SLC5A9: variants seen among roughly 807,000 people sequenced by gnomAD.
SLC5A9 encodes solute carrier family 5 member 9.
In SLC5A9, 59 loss-of-function variants were observed where a neutral mutation model predicts 70.9. The observed-to-expected ratio is 0.83, with a 90% CI of 0.68 to 1.03. The LOEUF is 1.03. SLC5A9 is among the 50% of genes least tolerant of loss of function. The probability of loss-of-function intolerance (pLI) is 0.00; values close to 1 mark genes in which losing one functional copy is unlikely to be tolerated. For synonymous variants in SLC5A9, 340 were observed against 346.5 expected (o/e 0.98, Z 0.21); for missense variants, 832 against 881.1 (o/e 0.94, Z 0.71).
At position 48,232,114 on chromosome 1, in the gene SLC5A9, T is replaced by G. The variant is rs777976388; in HGVS notation, c.860T>G (p.Leu287Arg). ...CCTTGGCCAGGTCTCATTTTCGGGC[T>G]CACAGTGCTGGCCACCTGGTGTTGG... Reference protein sequence around the residue: ...DIPWPGLIFGLTVLATWCWCT... With the variant: ...DIPWPGLIFGRTVLATWCWCT... Residue 287 changes from leucine to arginine, a missense_variant, in exon 7 of 14, where the codon CTC becomes CGC. Transcript: ENST00000438567. 20 of 1,613,974 alleles carry G rather than the reference T, an allele frequency of 1.2e-5. No individual in the cohort carries two copies. The highest frequency in any genetic ancestry group is 1.7e-5 in the Non-Finnish European group (20 of 1,179,996).
At chr1:48,236,128 G>A (rs570944353) in intron 10 of SLC5A9, among the ~76,000 whole-genome samples, 4 of 152,272 alleles carry the variant, frequency 2.6e-5, no homozygotes, top group Admixed American at 6.5e-5. Flanking sequence ...CAGGGTTGTC[G>A]AGAGATGAAA....
rs1399961281 is a variant in SLC5A9, at chr1:48,222,814, A to G, written c.78A>G (p.Ala26=). 1 of 1,614,132 alleles carries G rather than the reference A, an allele frequency of 6.2e-7. No individual in the cohort carries two copies. Among genetic ancestry groups the G allele is most frequent in the Non-Finnish European group, 8.5e-7 (1 of 1,180,008 alleles). ...GVRTETAPHI[A]LDSRVGLHAY... ...GGACTGAGACAGCTCCACACATAGC[A>G]CTGGACTCCAGAGTTGGTCTGCACG... Residue 26 remains alanine (A), a synonymous_variant, in exon 1 of 14, where the codon GCA becomes GCG. Coordinates refer to ENST00000438567, the MANE Select transcript of SLC5A9 (RefSeq NM_001011547.3).
chr1:48,229,057 A>T, intron 3 of SLC5A9, 103 bp downstream of exon 3: 1 of 1,613,978 alleles, frequency 6.2e-7, no homozygotes, highest in Non-Finnish European at 8.5e-7. Flanking sequence ...GGGAGGCTAC[A>T]TGGTGAATCG....
chr1:48,226,557 C>T (rs533419604), intron 2 of SLC5A9, among the ~76,000 whole-genome samples: 10 of 152,334 alleles, frequency 6.6e-5, no homozygotes, highest in Admixed American at 4.6e-4. Flanking sequence ...AGAACCAGCT[C>T]TGGGTAGGGA....
intron 13 of SLC5A9, 152 bp downstream of exon 13, chr1:48,242,768 T>C: frequency 1.3e-6 from 1 of 742,276 alleles, no homozygotes; most frequent in Non-Finnish European, 2.0e-6. Context: ...ATTTGAAAAA[T>C]AAGACAAATG....
At chr1:48,230,117 C>T (rs1034847419) in intron 4 of SLC5A9, among the ~76,000 whole-genome samples, 4 of 152,188 alleles carry the variant, frequency 2.6e-5, no homozygotes, top group African/African-American at 7.2e-5. Context: ...TGCTAATAAA[C>T]CCAAGTATGT....
rs750018469 is a variant in SLC5A9, at chr1:48,237,707, A to C, written c.1321A>C (p.Ser441Arg). The C allele has an allele frequency of 1.9e-6, 3 of 1,614,044 alleles. No individual in the cohort carries two copies. Among genetic ancestry groups the C allele is most frequent in the Non-Finnish European group, 2.5e-6 (3 of 1,180,022 alleles). ...GTTTGTGGTGTTCCTGGTTGTCATCAGCATCCTCTGGATCCCCATCATCCA... is the reference window on the plus strand; with the variant it reads ...GTTTGTGGTGTTCCTGGTTGTCATCCGCATCCTCTGGATCCCCATCATCCA... ...RVFVVFLVVI[S>R]ILWIPIIQSS... The change falls in exon 11 of 14, where the codon AGC becomes CGC. Residue 441 changes from serine to arginine, a missense_variant. Coordinates refer to ENST00000438567, the MANE Select transcript of SLC5A9 (RefSeq NM_001011547.3).
Position 48,231,625 on chromosome 1 carries a change from G to C in SLC5A9, c.691G>C (p.Gly231Arg). 1.2e-6 allele frequency: 2 copies of C among 1,614,098 alleles called. No individual in the cohort carries two copies. Among genetic ancestry groups the C allele is most frequent in the South Asian group, 1.1e-5 (1 of 91,082 alleles). ...GGGAGCCCTGGTCCTCATGTTTCTG[G>C]GTAAGGAAGAGACCTAAATATACCC... The part of the protein sequence containing the change: ...VGGALVLMFL[G>R]FQDVGWYPGL... Residue 231 changes from glycine to arginine, a missense_variant and splice_region_variant, in exon 6 of 14, where the codon GGC (glycine) becomes CGC (arginine). Gly to Arg is a moderately radical substitution (Grantham distance 125, BLOSUM62 -2). Transcript: ENST00000438567.
chr1:48,238,261 C>T (rs950801770), intron 11 of SLC5A9, among the ~76,000 whole-genome samples: 12 of 152,138 alleles, frequency 7.9e-5, no homozygotes, highest in Admixed American at 5.9e-4. Flanking sequence ...ATGTTCCAGA[C>T]ACAAGGAACA....
In SLC5A9 at chr1:48,232,488, G is replaced by T; in HGVS notation, c.1019G>T (p.Arg340Leu). 6.2e-7 allele frequency: 1 copy of T among 1,614,144 alleles called. No individual in the cohort carries two copies. The highest frequency in any genetic ancestry group is 1.1e-5 in the South Asian group (1 of 91,080). The part of the protein sequence containing the change: ...FFIVMPGMIS[R>L]ALFPDEVGCV... ...ATCGTCATGCCTGGCATGATCAGCC[G>T]GGCCCTGTTCCCAGGTAAGAACGAG... Residue 340 changes from arginine (R) to leucine (L), a missense_variant, in exon 8 of 14, where the codon CGG becomes CTG. Coordinates refer to ENST00000438567, the MANE Select transcript of SLC5A9 (RefSeq NM_001011547.3).
In SLC5A9 at chr1:48,244,878, G is replaced by GTA. The variant is rs756117312; in HGVS notation, c.1837+2293_1837+2294dup. Among the ~76,000 whole-genome samples the GTA allele has an allele frequency of 1.6e-3, 47 of 29,404 alleles. 6 individuals carry two copies. In the South Asian group the frequency reaches 0.017, roughly 11 times the overall value. 19.3% of individuals were successfully genotyped at this position (29,404 alleles called of 152,430 possible). A position where few individuals can be genotyped will look rare whatever the true frequency, so the allele number is the denominator to read the frequency against. Reference sequence around the variant, plus strand: ...TGTGTGTGTGTATGTATGTGTATGTGTATATATATATATATATATATATAT... The same window carrying GTA: ...TGTGTGTGTGTATGTATGTGTATGTGTATATATATATATATATATATATATAT... On this transcript the variant is annotated intron_variant, in intron 13 of 13. Transcript: ENST00000438567.
Position 48,233,768 on chromosome 1 carries a change from T to A in SLC5A9, c.1141+6T>A. The A allele has an allele frequency of 1.3e-6, 2 of 1,596,612 alleles. No individual in the cohort carries two copies. Among genetic ancestry groups the A allele is most frequent in the Non-Finnish European group, 1.7e-6 (2 of 1,165,050 alleles). On this transcript the variant is annotated splice_donor_region_variant and intron_variant, in intron 9 of 13. Coordinates refer to ENST00000438567, the MANE Select transcript of SLC5A9 (RefSeq NM_001011547.3). ...CATGGCCCTCATGCCTGTTGGTGAGTCTCTTCTCCCCACCCCACCCTGCAC... is the reference window on the plus strand; with the variant it reads ...CATGGCCCTCATGCCTGTTGGTGAGACTCTTCTCCCCACCCCACCCTGCAC...
chr1:48,228,970 T>C lies in SLC5A9; in HGVS notation c.339+16T>C. The stretch of plus-strand genomic sequence containing the variant: ...CGAGTGGAACGTAAGGAAGCTGGCC[T>C]GGTTTCTCCAGAATACTGAGGGTCT... On this transcript the variant is annotated intron_variant, in intron 3 of 13. Transcript: ENST00000438567. The C allele has an allele frequency of 6.2e-7, 1 of 1,613,364 alleles. No homozygotes were observed. The highest frequency in any genetic ancestry group is 1.1e-5 in the South Asian group (1 of 91,082).
rs771272837 is a variant in SLC5A9 at position 48,232,122 on chromosome 1, C to G, written c.868C>G (p.Leu290Val). The G allele has an allele frequency of 6.2e-7, 1 of 1,613,836 alleles. No individual in the cohort carries two copies. Among genetic ancestry groups the G allele is most frequent in the South Asian group, 1.1e-5 (1 of 91,044 alleles). Residue 290 changes from leucine to valine, a missense_variant, in exon 7 of 14, where the codon CTG (leucine) becomes GTG (valine). Transcript: ENST00000438567. ...AGGTCTCATTTTCGGGCTCACAGTG[C>G]TGGCCACCTGGTGTTGGTGCACAGA... ...WPGLIFGLTV[L>V]ATWCWCTDQV...
In SLC5A9 at chr1:48,229,370, C is replaced by T; in HGVS notation, c.415C>T (p.Gln139Ter). 1 of 1,614,190 alleles carries T rather than the reference C, an allele frequency of 6.2e-7. No individual in the cohort carries two copies. Among genetic ancestry groups the T allele is most frequent in the Non-Finnish European group, 8.5e-7 (1 of 1,180,040 alleles). ...CGCAGCAGGTGTGGTCACAATGCCG[C>T]AGTATCTGAAGAAGCGATTTGGGGG... ...YIAAGVVTMPQYLKKRFGGQR... is the reference protein window; with the variant it reads ...YIAAGVVTMP Residue 139 changes from glutamine to a stop codon, truncating the protein, a stop_gained, in exon 4 of 14, where the codon CAG becomes TAG. Coordinates refer to ENST00000438567, the MANE Select transcript of SLC5A9 (RefSeq NM_001011547.3). LOFTEE classifies it high-confidence loss of function.
intron 13 of SLC5A9, among the ~76,000 whole-genome samples, chr1:48,245,120 G>A (rs1644446310): frequency 6.7e-6 from 1 of 148,776 alleles, no homozygotes; most frequent in South Asian, 2.1e-4. Context: ...CATCATCATT[G>A]CAAAGACTGG....
intron 2 of SLC5A9, among the ~76,000 whole-genome samples, chr1:48,225,767 TTC>T (rs1223048244): frequency 2.0e-5 from 3 of 152,030 alleles, no homozygotes; most frequent in Admixed American, 6.6e-5. Context: ...CACTCACACC[TTC>T]TCTCACGCAC....
At position 48,237,855 on chromosome 1, in the gene SLC5A9, CA is replaced by C. The variant is rs1377066901; in HGVS notation, c.1461+9del. ...AAGAGGGTCACAGAGCCCGTGAGTG[CA>C]GTGTACCTGTCTCTCACATACAGCA... On this transcript the variant is annotated intron_variant, in intron 11 of 13. Coordinates refer to ENST00000438567, the MANE Select transcript of SLC5A9 (RefSeq NM_001011547.3). The C allele has an allele frequency of 1.9e-6, 3 of 1,613,570 alleles. No individual in the cohort carries two copies. The African/African-American group carries it at 4.0e-5, about 22-fold the overall frequency.
chr1:48,239,266 T>C lies in SLC5A9; in HGVS notation c.1462-56T>C. The C allele has an allele frequency of 7.4e-7, 1 of 1,343,334 alleles. No homozygotes were observed. The highest frequency in any genetic ancestry group is 1.0e-6 in the Non-Finnish European group (1 of 960,234). 83.2% of individuals were successfully genotyped at this position (1,343,334 alleles called of 1,614,324 possible). On this transcript the variant is annotated intron_variant, in intron 11 of 13. Coordinates refer to ENST00000438567, the MANE Select transcript of SLC5A9 (RefSeq NM_001011547.3). The surrounding 1 kb of genome is among the most constrained non-coding windows in gnomAD (Gnocchi z 4.2). ...GATTTGGGGAGAGAGTAGTTTTACC[T>C]TCCTAGGGTCTCCCACCTGGATCTC... is the stretch of plus-strand genomic sequence containing the variant.
Sources: allele counts gnomAD v4.1 joint callset (sites outside exome capture counted in the v4.1 genomes callset), GRCh38; gene constraint gnomAD v4.1.1; non-coding constraint Gnocchi (gnomAD v3.1); transcripts MANE v1.5; gene names NCBI Gene and HGNC (gene_info 2026-07-23, HGNC 2026-07-21).